Variants in GLIS1 observed in about 807,000 individuals in gnomAD.
The protein encoded by GLIS1 is GLIS family zinc finger 1.
Under a neutral mutation model 63.8 loss-of-function variants are expected in GLIS1, and 24 were observed. That is an observed-to-expected ratio of 0.38 (90% CI 0.27 to 0.53). GLIS1 has a LOEUF of 0.53. Among genes scored for constraint, GLIS1 ranks in the 20% least tolerant of loss-of-function variants. The probability of loss-of-function intolerance (pLI) is 0.85; values close to 1 mark genes in which losing one functional copy is unlikely to be tolerated. For synonymous variants in GLIS1, 450 were observed against 482.5 expected (o/e 0.93, Z 0.88); for missense variants, 1,036 against 1,074.1 (o/e 0.96, Z 0.50).
chr1:53,529,188 G>C (rs1007258074), intron 5 of GLIS1, among the ~76,000 whole-genome samples: 2 of 152,232 alleles, frequency 1.3e-5, no homozygotes, highest in Non-Finnish European at 2.9e-5. Context: ...TGTTACCTAT[G>C]CCTGGTGCAA....
chr1:53,567,879 C>T (rs1032577932), intron 4 of GLIS1, among the ~76,000 whole-genome samples: 3 of 152,230 alleles, frequency 2.0e-5, no homozygotes, highest in Admixed American at 1.3e-4. Context: ...ATGGAAATGC[C>T]TGAATGTCCA....
chr1:53,693,692 C>T (rs1036505344), intron 2 of GLIS1, among the ~76,000 whole-genome samples: 6 of 152,226 alleles, frequency 3.9e-5, no homozygotes, highest in East Asian at 1.9e-4. Context: ...ATAAAGCAGG[C>T]GCTCTGGCGG....
At position 53,506,441 on chromosome 1, in the gene GLIS1, G is replaced by A. The variant is rs542097016; in HGVS notation, c.*178C>T. The stretch of plus-strand genomic sequence containing the variant: ...ACCTCTGTGCGCCCAGCTCAAGCTC[G>A]GATGGCGGCTCCCTGGCAGCGCTGG... On this transcript the variant is annotated 3_prime_UTR_variant, in exon 11 of 11. Transcript: ENST00000628545. The A allele has an allele frequency of 7.0e-5, 44 of 632,932 alleles. No individual in the cohort carries two copies. The highest frequency in any genetic ancestry group is 7.0e-4 in the African/African-American group (38 of 54,670). The allele number at this position is 632,932 out of a possible 1,614,324, so 39.2% of individuals were successfully genotyped here. A position where few individuals can be genotyped will look rare whatever the true frequency, so the allele number is the denominator to read the frequency against.
At chr1:53,727,158 T>C (rs1209430822) in intron 2 of GLIS1, among the ~76,000 whole-genome samples, 1 of 152,234 alleles carries the variant, frequency 6.6e-6, no homozygotes, top group East Asian at 1.9e-4. Flanking sequence ...CTAAAAGCCA[T>C]GTGGCCGCCT....
intron 2 of GLIS1, among the ~76,000 whole-genome samples, chr1:53,627,961 A>G (rs1261088317): frequency 6.6e-6 from 1 of 152,230 alleles, no homozygotes; most frequent in Non-Finnish European, 1.5e-5. Context: ...TTGACTCTAA[A>G]GCCCTTGCTC....
At chr1:53,584,520 C>A (rs1399555521) in intron 4 of GLIS1, among the ~76,000 whole-genome samples, 2 of 152,198 alleles carry the variant, frequency 1.3e-5, no homozygotes, top group African/African-American at 4.8e-5. Flanking sequence ...TTGGTTAATT[C>A]ATTTGCCACC....
At chr1:53,538,020 G>A (rs1644599410) in intron 4 of GLIS1, among the ~76,000 whole-genome samples, 1 of 152,218 alleles carries the variant, frequency 6.6e-6, no homozygotes, top group South Asian at 2.1e-4. Flanking sequence ...AGCTTTAAAG[G>A]CCAGCAAGCT....
intron 2 of GLIS1, among the ~76,000 whole-genome samples, chr1:53,656,551 A>T (rs1383975236): frequency 6.6e-6 from 1 of 152,208 alleles, no homozygotes; most frequent in Non-Finnish European, 1.5e-5. Flanking sequence ...AAAATAACCC[A>T]ACATACTAGA....
chr1:53,568,753 G>A (rs1644957665), intron 4 of GLIS1, among the ~76,000 whole-genome samples: 1 of 152,172 alleles, frequency 6.6e-6, no homozygotes, highest in Non-Finnish European at 1.5e-5. Flanking sequence ...GATAAGACAT[G>A]CTTGCTTCCC....
At chr1:53,587,429 T>C (rs945325584) in intron 4 of GLIS1, among the ~76,000 whole-genome samples, 1 of 152,206 alleles carries the variant, frequency 6.6e-6, no homozygotes, top group Non-Finnish European at 1.5e-5. Context: ...TTGAGGCAAG[T>C]TGAGGATAGA....
intron 4 of GLIS1, among the ~76,000 whole-genome samples, chr1:53,537,144 G>A (rs1039257085): frequency 6.6e-6 from 1 of 152,224 alleles, no homozygotes; most frequent in African/African-American, 2.4e-5. Flanking sequence ...GGCAGGGGGT[G>A]GCATCCTCGC....
chr1:53,560,494 C>T lies in GLIS1; in HGVS notation c.1321-30542G>A, dbSNP rs1253122919. ...CACACACGGAGCAAATATCTGTTTCCCCCTGGTGCCCACCAGTTAACCCTT... is the reference window on the plus strand; with the variant it reads ...CACACACGGAGCAAATATCTGTTTCTCCCTGGTGCCCACCAGTTAACCCTT... On this transcript the variant is annotated intron_variant, in intron 4 of 10. Transcript: ENST00000628545. The surrounding 1 kb of genome is among the most constrained non-coding windows in gnomAD (Gnocchi z 4.4). Among the ~76,000 whole-genome samples, 1 of 152,218 alleles carries T rather than the reference C, an allele frequency of 6.6e-6. No individual in the cohort carries two copies. Among genetic ancestry groups the T allele is most frequent in the East Asian group, 1.9e-4 (1 of 5,194 alleles).
At chr1:53,507,787 G>T (rs1255569351) in intron 10 of GLIS1, among the ~76,000 whole-genome samples, 1 of 152,144 alleles carries the variant, frequency 6.6e-6, no homozygotes, top group African/African-American at 2.4e-5. Flanking sequence ...TGTGGAAGCT[G>T]CCTCCTGCTC....
intron 2 of GLIS1, among the ~76,000 whole-genome samples, chr1:53,659,036 G>A (rs1158905281): frequency 1.3e-5 from 2 of 152,276 alleles, no homozygotes; most frequent in South Asian, 2.1e-4. Flanking sequence ...TGGCAGGGGC[G>A]ATGCCGTAAG....
chr1:53,560,560 A>G lies in GLIS1; in HGVS notation c.1321-30608T>C, dbSNP rs2100437294. On this transcript the variant is annotated intron_variant, in intron 4 of 10. Coordinates refer to ENST00000628545, the MANE Select transcript of GLIS1 (RefSeq NM_001367484.1). This position sits in a 1 kb window ranked among gnomAD's most constrained non-coding sequence, Gnocchi z 4.4. ...GAGTGGAGGCTGTGGTCGGGAGGGC[A>G]GAGCGGGCTATAGGTGAGACTGAAG... 6.6e-6 allele frequency among the ~76,000 whole-genome samples: 1 copy of G among 152,342 alleles called. No homozygotes were observed. Among genetic ancestry groups the G allele is most frequent in the South Asian group, 2.1e-4 (1 of 4,830 alleles).
intron 2 of GLIS1, among the ~76,000 whole-genome samples, chr1:53,731,227 T>C (rs564174817): frequency 5.3e-5 from 8 of 152,276 alleles, no homozygotes; most frequent in Admixed American, 1.3e-4. Context: ...TCAGAGAGTC[T>C]TTTTCCAGAC....
At chr1:53,543,017 A>G (rs1569790826) in intron 4 of GLIS1, among the ~76,000 whole-genome samples, 1 of 150,854 alleles carries the variant, frequency 6.6e-6, no homozygotes, top group East Asian at 1.9e-4. Flanking sequence ...GTTCAGTGTA[A>G]GCCCCCCAAA....
At chr1:53,590,612 T>C (rs114410334) in intron 4 of GLIS1, among the ~76,000 whole-genome samples, 23 of 152,352 alleles carry the variant, frequency 1.5e-4, no homozygotes, top group African/African-American at 5.3e-4. Flanking sequence ...TCAAAGTTAA[T>C]GTCTTGGAGT....
chr1:53,531,164 G>A (rs1644525976), intron 4 of GLIS1, among the ~76,000 whole-genome samples: 1 of 152,204 alleles, frequency 6.6e-6, no homozygotes, highest in Non-Finnish European at 1.5e-5. Flanking sequence ...GACCCTTGAG[G>A]AGGAAGGGAC....
Sources: allele counts gnomAD v4.1 joint callset (sites outside exome capture counted in the v4.1 genomes callset), GRCh38; gene constraint gnomAD v4.1.1; non-coding constraint Gnocchi (gnomAD v3.1); transcripts MANE v1.5; gene names NCBI Gene and HGNC (gene_info 2026-07-23, HGNC 2026-07-21).